Variants in NPAS3 observed in about 807,000 individuals in gnomAD.
The protein encoded by NPAS3 is neuronal PAS domain protein 3, also known as neuronal PAS domain-containing protein 3.
In NPAS3, 14 loss-of-function variants were observed where a neutral mutation model predicts 73.1. The ratio of observed to expected loss-of-function variants is 0.19; its 90% CI spans 0.13 to 0.30. The LOEUF is 0.30. Ranked by LOEUF, NPAS3 falls within the 10% of genes least tolerant of loss-of-function variation. The probability of loss-of-function intolerance (pLI) is 1.00; values close to 1 mark genes in which losing one functional copy is unlikely to be tolerated. For missense variants in NPAS3, 1,096 were observed against 1,250.0 expected, an observed-to-expected ratio of 0.88 and a Z score of 1.86; for synonymous variants, 620 against 541.5, an observed-to-expected ratio of 1.14 and a Z score of -2.01.
intron 9 of NPAS3, chr14:33,780,600 T>A (rs2062949424): frequency 2.2e-6 from 1 of 453,866 alleles, no homozygotes; most frequent in Non-Finnish European, 4.4e-6. Flanking sequence ...ACATCATGCA[T>A]CATGCTATCT....
intron 4 of NPAS3, among the ~76,000 whole-genome samples, chr14:33,543,985 A>ATC (rs2054650821): frequency 1.0e-4 from 4 of 38,118 alleles, no homozygotes; most frequent in African/African-American, 2.5e-4. Flanking sequence ...ATATATATAT[A>ATC]TATATATATA....
intron 5 of NPAS3, among the ~76,000 whole-genome samples, chr14:33,647,182 C>T (rs572530292): frequency 6.6e-6 from 1 of 152,090 alleles, no homozygotes. Context: ...TCTAAGTATC[C>T]TCAGAGCATA....
chr14:33,196,110 G>C (rs1200895907), intron 2 of NPAS3, among the ~76,000 whole-genome samples: 1 of 152,158 alleles, frequency 6.6e-6, no homozygotes, highest in African/African-American at 2.4e-5. Context: ...CCAGCGCTAA[G>C]GTCCCATGAC....
At chr14:32,950,036 G>A (rs185290467) in intron 1 of NPAS3, among the ~76,000 whole-genome samples, 185 of 152,056 alleles carry the variant, frequency 1.2e-3, no homozygotes, top group Admixed American at 3.9e-3. Context: ...GTGTGGCAAA[G>A]AAATCATGAG....
At chr14:33,616,151 G>A (rs190543346) in intron 5 of NPAS3, among the ~76,000 whole-genome samples, 2 of 152,280 alleles carry the variant, frequency 1.3e-5, no homozygotes, top group Admixed American at 1.3e-4. Flanking sequence ...TCTTAAGCCT[G>A]CCAACTCTGG....
intron 7 of NPAS3, among the ~76,000 whole-genome samples, chr14:33,762,677 CA>C (rs1176842500): frequency 6.6e-6 from 1 of 152,120 alleles, no homozygotes; most frequent in African/African-American, 2.4e-5. Context: ...ACCACACCCT[CA>C]TCTATTTAAA....
At chr14:33,109,633 A>G (rs2042825865) in intron 2 of NPAS3, among the ~76,000 whole-genome samples, 2 of 151,982 alleles carry the variant, frequency 1.3e-5, no homozygotes, top group African/African-American at 4.8e-5. Context: ...TGTTTGAGCA[A>G]TTTGGGGCTT....
intron 5 of NPAS3, among the ~76,000 whole-genome samples, chr14:33,670,376 G>C (rs187321972): frequency 6.6e-6 from 1 of 152,200 alleles, no homozygotes; most frequent in Admixed American, 6.5e-5. Flanking sequence ...CAGACCGAAT[G>C]CTTTTATGTG....
chr14:33,437,300 T>C (rs1250736966), intron 4 of NPAS3, among the ~76,000 whole-genome samples: 3 of 152,214 alleles, frequency 2.0e-5, no homozygotes, highest in Admixed American at 2.0e-4. Context: ...ATTTCTAATG[T>C]AGATTCCTAA....
intron 5 of NPAS3, among the ~76,000 whole-genome samples, chr14:33,644,421 A>G (rs1045057786): frequency 2.0e-5 from 3 of 152,208 alleles, no homozygotes; most frequent in East Asian, 1.9e-4. Context: ...AACACAGCAC[A>G]TTGCCTTTCT....
chr14:33,374,234 G>T (rs2046220878), intron 4 of NPAS3, among the ~76,000 whole-genome samples: 1 of 152,068 alleles, frequency 6.6e-6, no homozygotes, highest in Admixed American at 6.6e-5. Context: ...TTTAACCATG[G>T]AATACAGGGT....
At chr14:33,000,697 C>A in intron 1 of NPAS3, among the ~76,000 whole-genome samples, 1 of 152,122 alleles carries the variant, frequency 6.6e-6, no homozygotes, top group Non-Finnish European at 1.5e-5. Flanking sequence ...ATAAAATAAA[C>A]ATAAAAACAT....
intron 4 of NPAS3, among the ~76,000 whole-genome samples, chr14:33,392,320 T>C (rs2047042470): frequency 6.6e-6 from 1 of 152,172 alleles, no homozygotes. Context: ...TACAACTGAT[T>C]TCTTTACATT....
At chr14:33,771,319 C>T (rs1407819023) in intron 7 of NPAS3, among the ~76,000 whole-genome samples, 2 of 152,176 alleles carry the variant, frequency 1.3e-5, no homozygotes, top group Non-Finnish European at 2.9e-5. Flanking sequence ...CTCCCTCAAA[C>T]CCACACATAC....
intron 5 of NPAS3, among the ~76,000 whole-genome samples, chr14:33,647,286 CTCTCTATA>C (rs919841995): frequency 3.3e-5 from 5 of 151,224 alleles, no homozygotes; most frequent in African/African-American, 1.2e-4. Context: ...CTCTCTCTCT[CTCTCTATA>C]TATATATATA....
intron 5 of NPAS3, among the ~76,000 whole-genome samples, chr14:33,668,960 T>C (rs1368277194): frequency 2.0e-5 from 3 of 152,222 alleles, no homozygotes; most frequent in African/African-American, 7.2e-5. Context: ...TTGAGACGTA[T>C]TGATACTGAA....
chr14:33,156,976 C>A (rs1426126170), intron 2 of NPAS3, among the ~76,000 whole-genome samples: 1 of 152,114 alleles, frequency 6.6e-6, no homozygotes, highest in Non-Finnish European at 1.5e-5. Flanking sequence ...ACTGTAGTTA[C>A]ATTTACCAAA....
In NPAS3 at chr14:33,205,447, G is replaced by A. The variant is rs145969314; in HGVS notation, c.141-9735G>A. ...GGGCCTAAAGTCGACAAATTTCTAA[G>A]CCTTTGGATATGTAGTTGCTAAATT... On this transcript the variant is annotated intron_variant, in intron 2 of 11. Transcript: ENST00000356141. Among the ~76,000 whole-genome samples the A allele has an allele frequency of 2.0e-3, 297 of 152,238 alleles. 1 individual carries two copies. The highest frequency in any genetic ancestry group is 3.6e-3 in the Non-Finnish European group (246 of 68,010).
intron 4 of NPAS3, among the ~76,000 whole-genome samples, chr14:33,406,953 C>A (rs1441388735): frequency 6.6e-6 from 1 of 152,074 alleles, no homozygotes; most frequent in Non-Finnish European, 1.5e-5. Context: ...CAGTACAGTT[C>A]AAAGGGCCTG....
Sources: allele counts gnomAD v4.1 joint callset (sites outside exome capture counted in the v4.1 genomes callset), GRCh38; gene constraint gnomAD v4.1.1; transcripts MANE v1.5; gene names NCBI Gene and HGNC (gene_info 2026-07-23, HGNC 2026-07-21).